Variants in CLNK observed in about 807,000 individuals in gnomAD.
The protein encoded by CLNK is cytokine dependent hematopoietic cell linker, also known as cytokine-dependent hematopoietic cell linker.
In CLNK, 74 loss-of-function variants were observed where a neutral mutation model predicts 68.6. The observed-to-expected ratio is 1.08, with a 90% CI of 0.89 to 1.31. The LOEUF (loss-of-function observed/expected upper bound fraction) is 1.31. Ranked by LOEUF, CLNK falls within the 50% of genes most tolerant of loss-of-function variation. The pLI, the probability that CLNK is intolerant of heterozygous loss-of-function variation, is 0.00. For synonymous variants in CLNK, 198 were observed against 172.2 expected, an observed-to-expected ratio of 1.15 and a Z score of -1.17; for missense variants, 553 against 515.3, an observed-to-expected ratio of 1.07 and a Z score of -0.71.
the CLNK span, among the ~76,000 whole-genome samples, chr4:10,696,246 T>C: frequency 1.3e-5 from 2 of 152,158 alleles, no homozygotes; most frequent in Non-Finnish European, 1.5e-5. Context: ...CAGGTCTTTT[T>C]TGGCCTTGCC....
chr4:10,621,085 G>A (rs1722434950), intron 2 of CLNK, among the ~76,000 whole-genome samples: 1 of 152,150 alleles, frequency 6.6e-6, no homozygotes, highest in Non-Finnish European at 1.5e-5. Flanking sequence ...GACAGAGCGA[G>A]ACTCCGTCTC....
At chr4:10,546,613 A>C (rs1447981061) in intron 8 of CLNK, among the ~76,000 whole-genome samples, 1 of 152,172 alleles carries the variant, frequency 6.6e-6, no homozygotes, top group East Asian at 1.9e-4. Flanking sequence ...CTTTCGCCAG[A>C]ATTTAAACAT....
chr4:10,517,751 C>T (rs1280693925), intron 15 of CLNK, among the ~76,000 whole-genome samples: 1 of 152,128 alleles, frequency 6.6e-6, no homozygotes, highest in South Asian at 2.1e-4. Context: ...CCTTCAGTGC[C>T]TTGCTTGGAT....
At chr4:10,625,840 G>A (rs907257526) in intron 2 of CLNK, among the ~76,000 whole-genome samples, 11 of 152,218 alleles carry the variant, frequency 7.2e-5, no homozygotes, top group Non-Finnish European at 2.9e-5. Flanking sequence ...TCCTACTGAT[G>A]CATCTGAGGC....
intron 11 of CLNK, 50 bp downstream of exon 11, chr4:10,540,444 C>T (rs199898606): frequency 7.7e-6 from 11 of 1,419,598 alleles, no homozygotes; most frequent in Admixed American, 3.4e-5. Flanking sequence ...CCCCCTCCCC[C>T]ACACCCACAC....
intron 17 of CLNK, among the ~76,000 whole-genome samples, chr4:10,501,653 GC>G (rs1291926714): frequency 6.6e-6 from 1 of 152,166 alleles, no homozygotes; most frequent in Non-Finnish European, 1.5e-5. Context: ...GAGGCCAGGT[GC>G]GGTGGCTCAC....
Position 10,645,741 on chromosome 4 carries a change from T to C in CLNK, c.11+22118A>G, listed in dbSNP as rs565581903. 7.9e-5 allele frequency among the ~76,000 whole-genome samples: 12 copies of C among 152,290 alleles called. No individual in the cohort carries two copies. In the Middle Eastern group the frequency reaches 0.01, roughly 129 times the overall value. On this transcript the variant is annotated intron_variant, in intron 2 of 18. Transcript: ENST00000226951. ...TAATGGGTACAAAAATACAGTTAGATAGAAGAAGTAAGTTCTAGTATTCAA... is the reference window on the plus strand; with the variant it reads ...TAATGGGTACAAAAATACAGTTAGACAGAAGAAGTAAGTTCTAGTATTCAA...
At chr4:10,537,706 C>CCTTCCTTCCTTCCTTCCTTTCTTTCTTT (rs1553848181) in intron 11 of CLNK, among the ~76,000 whole-genome samples, 1 of 13,404 alleles carries the variant, frequency 7.5e-5, no homozygotes, top group Non-Finnish European at 1.5e-4. Flanking sequence ...TTCCTTCCTT[C>CCTTCCTTCCTTCCTTCCTTTCTTTCTTT]CTTTCTTTCT....
In CLNK at chr4:10,564,797, T is replaced by C. The variant is rs1720039735; in HGVS notation, c.293-20A>G. On this transcript the variant is annotated intron_variant, in intron 6 of 18. Coordinates refer to ENST00000226951, the MANE Select transcript of CLNK (RefSeq NM_052964.4). Reference sequence around the variant, plus strand: ...GTGTATCTATGCAAACAGAAAAATATGAAAGTCATACCTTACGTGGACTCA... The same window carrying C: ...GTGTATCTATGCAAACAGAAAAATACGAAAGTCATACCTTACGTGGACTCA... 2 of 1,452,420 alleles carry C rather than the reference T, an allele frequency of 1.4e-6. No homozygotes were observed. Among genetic ancestry groups the C allele is most frequent in the Non-Finnish European group, 1.9e-6 (2 of 1,033,030 alleles). The allele number at this position is 1,452,420 out of a possible 1,614,324, so 90.0% of individuals were successfully genotyped here. A position where few individuals can be genotyped will look rare whatever the true frequency, so the allele number is the denominator to read the frequency against.
chr4:10,725,934 C>G, the CLNK span, among the ~76,000 whole-genome samples: 57,657 of 151,798 alleles, frequency 0.38, 11,659 homozygotes, highest in East Asian at 0.58. Context: ...GTTTGCCAGG[C>G]ATGTTGTATC....
At chr4:10,584,364 A>G (rs1720896144) in intron 4 of CLNK, among the ~76,000 whole-genome samples, 2 of 152,176 alleles carry the variant, frequency 1.3e-5, no homozygotes, top group Non-Finnish European at 2.9e-5. Context: ...CTATCTAGAC[A>G]CCAGCTTTCT....
At chr4:10,605,015 A>G (rs1721732042) in intron 2 of CLNK, among the ~76,000 whole-genome samples, 1 of 152,236 alleles carries the variant, frequency 6.6e-6, no homozygotes, top group Non-Finnish European at 1.5e-5. Context: ...TTAATAACAA[A>G]GACTAGGGTT....
the CLNK span, among the ~76,000 whole-genome samples, chr4:10,714,732 CAT>C: frequency 6.6e-6 from 1 of 150,944 alleles, no homozygotes. Flanking sequence ...AGCTTATTCT[CAT>C]ATTTATTCCA....
At chr4:10,698,762 A>G in the CLNK span, among the ~76,000 whole-genome samples, 1 of 152,174 alleles carries the variant, frequency 6.6e-6, no homozygotes, top group Admixed American at 6.5e-5. Flanking sequence ...GTGCCCAGAT[A>G]TTGGGCCAAA....
At chr4:10,708,034 G>A in the CLNK span, among the ~76,000 whole-genome samples, 3 of 152,214 alleles carry the variant, frequency 2.0e-5, no homozygotes, top group Admixed American at 6.5e-5. Context: ...GGACTAAGAT[G>A]AGATAGTGGG....
chr4:10,617,583 A>AAAT (rs1722285688), intron 2 of CLNK, among the ~76,000 whole-genome samples: 1 of 152,248 alleles, frequency 6.6e-6, no homozygotes, highest in African/African-American at 2.4e-5. Context: ...AATGGCAATG[A>AAAT]AATAATAGTC....
chr4:10,513,733 A>C, intron 15 of CLNK, 136 bp from the exon 16 acceptor site: 22 of 729,470 alleles, frequency 3.0e-5, no homozygotes, highest in Non-Finnish European at 3.6e-5. Flanking sequence ...ATATCAGCTC[A>C]CTCAGTGACC....
chr4:10,690,105 T>A, the CLNK span, among the ~76,000 whole-genome samples: 1 of 152,150 alleles, frequency 6.6e-6, no homozygotes, highest in Non-Finnish European at 1.5e-5. Context: ...TTTTCATGGC[T>A]GCTAAGAAAT....
chr4:10,637,562 T>G (rs1030329362), intron 2 of CLNK, among the ~76,000 whole-genome samples: 5 of 144,270 alleles, frequency 3.5e-5, no homozygotes, highest in Non-Finnish European at 6.0e-5. Context: ...TCCCAGCTCC[T>G]GGAACATGCC....
Sources: gnomAD v4.1 joint callset for allele counts (sites outside exome capture counted in the v4.1 genomes callset) on GRCh38, gnomAD v4.1.1 for gene constraint, MANE v1.5 for transcripts, NCBI Gene and HGNC (gene_info 2026-07-23, HGNC 2026-07-21) for gene names.